The following F9 variants were observed in gnomAD, a reference collection of about 807,000 sequenced individuals.
The protein encoded by F9 is Christmas factor.
In F9, 2 loss-of-function variants were observed where a neutral mutation model predicts 34.1. The observed-to-expected ratio is 0.06, with a 90% CI of 0.02 to 0.18. F9 has a LOEUF of 0.18. Ranked by LOEUF, F9 falls within the 10% of genes least tolerant of loss-of-function variation. The pLI, the probability that F9 is intolerant of heterozygous loss-of-function variation, is 1.00. For missense variants in F9, 216 were observed against 345.1 expected (o/e 0.63, Z 2.96); for synonymous variants, 137 against 118.8 (o/e 1.15, Z -1.00).
At chrX:139,534,945 T>C (rs1332310483) in intron 1 of F9, among the ~76,000 whole-genome samples, 1 of 111,452 alleles carries the variant, frequency 9.0e-6, no homozygotes, top group Non-Finnish European at 1.9e-5. Context: ...TCCTCGGCTG[T>C]CTGGGAAGAG....
At chrX:139,548,956 C>T (rs975492840) in intron 5 of F9, among the ~76,000 whole-genome samples, 1 of 111,589 alleles carries the variant, frequency 9.0e-6, no homozygotes, top group Non-Finnish European at 1.9e-5. Context: ...AGTTTACACA[C>T]TTGGTGTCAG....
At chrX:139,532,951 A>G (rs1375438970) in intron 1 of F9, among the ~76,000 whole-genome samples, 2 of 111,531 alleles carry the variant, frequency 1.8e-5, no homozygotes, top group African/African-American at 6.5e-5. Flanking sequence ...GTATCGAAGT[A>G]TAAACATAAG....
At chrX:139,558,011 AC>A in intron 6 of F9, among the ~76,000 whole-genome samples, 1 of 111,771 alleles carries the variant, frequency 8.9e-6, no homozygotes, top group East Asian at 2.8e-4. Flanking sequence ...CCCTCCAAAC[AC>A]CTGCCCAATG....
chrX:139,538,910 A>G (rs1927544025), intron 3 of F9, among the ~76,000 whole-genome samples: 1 of 110,990 alleles, frequency 9.0e-6, no homozygotes, highest in Non-Finnish European at 1.9e-5. Flanking sequence ...CTATCTGGAA[A>G]ACATGGAGGG....
intron 7 of F9, 105 bp from the exon 8 acceptor site, chrX:139,561,419 G>T (rs1354171805): frequency 1.4e-6 from 1 of 703,332 alleles, no homozygotes; most frequent in East Asian, 3.2e-5. Context: ...ATAAGAATGA[G>T]ATCTTTAACA....
chrX:139,544,328 C>T (rs1019461082), intron 4 of F9, among the ~76,000 whole-genome samples: 13 of 110,387 alleles, frequency 1.2e-4, no homozygotes, highest in African/African-American at 4.3e-4. Flanking sequence ...GATATTACCA[C>T]TGTTAGTGAG....
chrX:139,533,486 A>T (rs367987018), intron 1 of F9, among the ~76,000 whole-genome samples: 2 of 112,533 alleles, frequency 1.8e-5, no homozygotes, highest in African/African-American at 6.5e-5. Context: ...ATTAGCTATT[A>T]CTGGCTACAT....
Position 139,548,366 on chromosome X carries a change from T to C in F9, c.395T>C (p.Val132Ala), listed in dbSNP as rs1381777040. 2 of 1,210,040 alleles carry C rather than the reference T, an allele frequency of 1.7e-6. No individual in the cohort carries two copies. The highest frequency in any genetic ancestry group is 4.4e-5 in the Admixed American group (2 of 45,922). ...CTGTCTATTTTGCTTCTTTTAGATG[T>C]AACATGTAACATTAAGAATGGCAGA... ...GFEGKNCELD[V>A]TCNIKNGRCE... Residue 132 changes from valine (V) to alanine (A), a missense_variant, in exon 5 of 8, where the codon GTA becomes GCA. Val to Ala is a moderately conservative substitution (Grantham distance 64, BLOSUM62 0). Transcript: ENST00000218099.
intron 6 of F9, among the ~76,000 whole-genome samples, chrX:139,555,310 C>T (rs1009742331): frequency 8.9e-6 from 1 of 112,378 alleles, no homozygotes; most frequent in Non-Finnish European, 1.9e-5. Flanking sequence ...AGCTTTGAGA[C>T]CCTACAGAGC....
chrX:139,542,954 A>T (rs1927636787), intron 4 of F9, among the ~76,000 whole-genome samples: 1 of 111,427 alleles, frequency 9.0e-6, no homozygotes, highest in Admixed American at 9.6e-5. Flanking sequence ...TTTTCAGCCC[A>T]GTTAGCTCAC....
Position 139,548,353 on chromosome X carries a change from C to T in F9, c.392-10C>T, listed in dbSNP as rs1027316695. 3.3e-6 allele frequency: 4 copies of T among 1,207,044 alleles called. No individual in the cohort carries two copies. In the African/African-American group the frequency reaches 7.0e-5, roughly 21 times the overall value. On this transcript the variant is annotated splice_polypyrimidine_tract_variant and intron_variant, in intron 4 of 7. Coordinates refer to ENST00000218099, the MANE Select transcript of F9 (RefSeq NM_000133.4). Reference sequence around the variant, plus strand: ...AATGATGCTGTTACTGTCTATTTTGCTTCTTTTAGATGTAACATGTAACAT... The same window carrying T: ...AATGATGCTGTTACTGTCTATTTTGTTTCTTTTAGATGTAACATGTAACAT...
chrX:139,543,984 A>G (rs1423279133), intron 4 of F9, among the ~76,000 whole-genome samples: 1 of 111,817 alleles, frequency 8.9e-6, no homozygotes, highest in Non-Finnish European at 1.9e-5. Context: ...AAGATTGCTG[A>G]TTAGGAAGCA....
At chrX:139,536,288 C>CATATATGTATATAT (rs1927473864) in intron 1 of F9, among the ~76,000 whole-genome samples, 1 of 67,707 alleles carries the variant, frequency 1.5e-5, no homozygotes, top group Non-Finnish European at 3.5e-5. Flanking sequence ...CACACACACA[C>CATATATGTATATAT]ATAGAGAGAG....
At chrX:139,536,202 C>A (rs868292793) in intron 1 of F9, among the ~76,000 whole-genome samples, 3 of 63,837 alleles carry the variant, frequency 4.7e-5, no homozygotes, top group Non-Finnish European at 7.0e-5. Context: ...TATATGTATA[C>A]ATATATACAC....
intron 4 of F9, among the ~76,000 whole-genome samples, chrX:139,542,545 T>C (rs1927625806): frequency 1.8e-5 from 2 of 112,080 alleles, no homozygotes; most frequent in African/African-American, 6.5e-5. Flanking sequence ...CTTGGAGTAG[T>C]TACTCATTAT....
rs201120367 is a variant in F9, at chrX:139,537,171, A to G, written c.250A>G (p.Thr84Ala). 2.1e-4 allele frequency: 254 copies of G among 1,207,921 alleles called. No individual in the cohort carries two copies. Among genetic ancestry groups the G allele is most frequent in the Non-Finnish European group, 2.8e-4 (249 of 893,372 alleles). The change falls in exon 2 of 8, where the codon ACA becomes GCA. Residue 84 changes from threonine (T) to alanine (A), a missense_variant and splice_region_variant. Thr to Ala is a moderately conservative substitution (Grantham distance 58). This residue lies in a region of F9 where 177 missense variants were observed against 311.8 expected (regional missense o/e 0.57). Transcript: ENST00000218099. ...AGAAGTTTTTGAAAACACTGAAAGA[A>G]CAGTGAGTATTTCCACATAATACCC... is the stretch of plus-strand genomic sequence containing the variant. ...AREVFENTER[T>A]TEFWKQYVDG...
intron 4 of F9, among the ~76,000 whole-genome samples, chrX:139,545,962 GGTTT>G (rs1285789898): frequency 1.8e-5 from 2 of 110,553 alleles, no homozygotes; most frequent in African/African-American, 6.6e-5. Flanking sequence ...TACATGTGAA[GGTTT>G]GTTACATAGA....
At chrX:139,549,024 T>C (rs867317462) in intron 5 of F9, among the ~76,000 whole-genome samples, 1 of 111,518 alleles carries the variant, frequency 9.0e-6, no homozygotes, top group Non-Finnish European at 1.9e-5. Context: ...ACAATCTATA[T>C]GGCTGTGAAC....
chrX:139,560,889 C>T, intron 7 of F9, 34 bp downstream of exon 7: 1 of 966,360 alleles, frequency 1.0e-6, no homozygotes. Flanking sequence ...ATCTGCAGCA[C>T]CACTAGCTCT....
Sources: gnomAD v4.1 joint callset for allele counts (sites outside exome capture counted in the v4.1 genomes callset) on GRCh38, gnomAD v4.1.1 for gene constraint, gnomAD v4.1.1 regional missense constraint, MANE v1.5 for transcripts, NCBI Gene and HGNC (gene_info 2026-07-23, HGNC 2026-07-21) for gene names.